CSMD2: variants seen among roughly 807,000 people sequenced by gnomAD.
CSMD2 encodes the protein CUB and sushi domain-containing protein 2.
A neutral mutation model predicts 398.5 loss-of-function variants in CSMD2; 130 were observed. That is an observed-to-expected ratio of 0.33 (90% CI 0.28 to 0.38). The LOEUF (loss-of-function observed/expected upper bound fraction) is 0.38. CSMD2 is among the 10% of genes least tolerant of loss of function. The pLI is 1.00. For missense variants in CSMD2, 3,829 were observed against 4,764.9 expected, an observed-to-expected ratio of 0.80 and a Z score of 5.78; for synonymous variants, 1,828 against 1,908.5, an observed-to-expected ratio of 0.96 and a Z score of 1.10.
intron 1 of CSMD2, among the ~76,000 whole-genome samples, chr1:34,131,055 C>T (rs1003918700): frequency 3.1e-4 from 47 of 152,128 alleles, no homozygotes; most frequent in African/African-American, 1.0e-3. Context: ...CCTAGCATTC[C>T]GTACCCTTCC....
In CSMD2 at chr1:33,533,359, C is replaced by A; in HGVS notation, c.9992-130G>T. The A allele has an allele frequency of 1.2e-6, 1 of 837,004 alleles. No homozygotes were observed. The highest frequency in any genetic ancestry group is 1.9e-6 in the Non-Finnish European group (1 of 534,600). 51.8% of individuals were successfully genotyped at this position (837,004 alleles called of 1,614,324 possible). Reference sequence around the variant, plus strand: ...TCCAGTCCCTTTCATGCCAAGCATCCCCCTCCCTAATCCTCCACCCTAACC... The same window carrying A: ...TCCAGTCCCTTTCATGCCAAGCATCACCCTCCCTAATCCTCCACCCTAACC... On this transcript the variant is annotated intron_variant, in intron 63 of 70. Coordinates refer to ENST00000373381, the MANE Select transcript of CSMD2 (RefSeq NM_001281956.2). This position sits in a 1 kb window ranked among gnomAD's most constrained non-coding sequence, Gnocchi z 4.2.
chr1:33,985,882 C>T (rs1646342643), intron 3 of CSMD2, among the ~76,000 whole-genome samples: 1 of 152,166 alleles, frequency 6.6e-6, no homozygotes, highest in South Asian at 2.1e-4. Flanking sequence ...CCTCAGTCCA[C>T]TCGCAGGCTG....
chr1:33,773,130 C>T (rs1319804048), intron 12 of CSMD2, among the ~76,000 whole-genome samples: 2 of 152,218 alleles, frequency 1.3e-5, no homozygotes, highest in Non-Finnish European at 2.9e-5. Context: ...ACAAGTTCCA[C>T]AGCATTAGAA....
intron 39 of CSMD2, among the ~76,000 whole-genome samples, chr1:33,616,673 T>G (rs1470009944): frequency 1.3e-5 from 2 of 152,220 alleles, no homozygotes; most frequent in African/African-American, 4.8e-5. Flanking sequence ...TGTTTTCAAA[T>G]GGGCAGACCT....
intron 22 of CSMD2, among the ~76,000 whole-genome samples, chr1:33,707,695 G>GCACACACACACACACACA (rs200504764): frequency 2.2e-5 from 2 of 92,032 alleles, no homozygotes; most frequent in Non-Finnish European, 4.2e-5. Context: ...GCGCGCGCGC[G>GCACACACACACACACACA]CACACACACA....
chr1:33,954,396 T>G (rs1459549041), intron 3 of CSMD2, among the ~76,000 whole-genome samples: 2 of 151,746 alleles, frequency 1.3e-5, no homozygotes, highest in Admixed American at 6.6e-5. Context: ...GTGGCAGTTC[T>G]GTTGGTGGTG....
intron 18 of CSMD2, 53 bp from the exon 19 acceptor site, chr1:33,724,366 C>T (rs373790902): frequency 6.6e-7 from 1 of 1,510,376 alleles, no homozygotes; most frequent in Non-Finnish European, 9.2e-7. Context: ...CAGGGAGCAC[C>T]CCCGTCATCC....
intron 21 of CSMD2, among the ~76,000 whole-genome samples, chr1:33,710,617 T>C (rs936141789): frequency 2.0e-5 from 3 of 152,156 alleles, no homozygotes; most frequent in Admixed American, 2.0e-4. Context: ...TCCCTCAGTA[T>C]CCTTCAGTCC....
chr1:33,558,047 C>G (rs1373343559), intron 54 of CSMD2, 125 bp from the exon 55 acceptor site: 3 of 778,562 alleles, frequency 3.9e-6, no homozygotes, highest in Admixed American at 4.9e-5. Flanking sequence ...CTGGACTTCT[C>G]CCCTCACCTT....
intron 3 of CSMD2, among the ~76,000 whole-genome samples, chr1:33,941,198 A>G (rs1274588186): frequency 6.6e-6 from 1 of 152,204 alleles, no homozygotes; most frequent in African/African-American, 2.4e-5. Context: ...TCTCTTCTAC[A>G]AAGCCCGACT....
chr1:33,963,989 CCAAGGTGT>C (rs369720742), intron 3 of CSMD2, among the ~76,000 whole-genome samples: 1 of 152,192 alleles, frequency 6.6e-6, no homozygotes, highest in African/African-American at 2.4e-5. Context: ...TGCCAAGCTG[CCAAGGTGT>C]TTGTCCAAAG....
At chr1:33,967,462 T>C (rs1645601048) in intron 3 of CSMD2, among the ~76,000 whole-genome samples, 1 of 147,088 alleles carries the variant, frequency 6.8e-6, no homozygotes, top group South Asian at 2.2e-4. Flanking sequence ...CAGGCACAAG[T>C]GTGCACACCC....
chr1:33,708,617 T>TATTATTATTATTATTATTA (rs1553180016), intron 22 of CSMD2, among the ~76,000 whole-genome samples: 6 of 150,246 alleles, frequency 4.0e-5, no homozygotes, highest in Admixed American at 6.6e-5. Context: ...TTATTATTAT[T>TATTATTATTATTATTATTA]TTGAGACAGG....
chr1:33,612,772 C>T (rs1325181183), intron 40 of CSMD2, among the ~76,000 whole-genome samples: 1 of 151,946 alleles, frequency 6.6e-6, no homozygotes, highest in East Asian at 1.9e-4. Context: ...AGCTCCGCCT[C>T]CCGGGTTCAC....
chr1:33,944,223 C>T (rs929981354), intron 3 of CSMD2, among the ~76,000 whole-genome samples: 3 of 150,412 alleles, frequency 2.0e-5, no homozygotes, highest in Non-Finnish European at 4.4e-5. Flanking sequence ...ATTCATATCT[C>T]AGGAACGCCC....
At chr1:34,047,066 C>G (rs1652609457) in intron 2 of CSMD2, among the ~76,000 whole-genome samples, 1 of 152,054 alleles carries the variant, frequency 6.6e-6, no homozygotes, top group Admixed American at 6.6e-5. Flanking sequence ...TGCTTGAAAC[C>G]CTTCCAAAAG....
chr1:33,969,468 GAT>G (rs1436080062), intron 3 of CSMD2, among the ~76,000 whole-genome samples: 2 of 152,144 alleles, frequency 1.3e-5, no homozygotes, highest in Non-Finnish European at 2.9e-5. Context: ...CAGATAGATA[GAT>G]ATAGAGATTT....
intron 2 of CSMD2, among the ~76,000 whole-genome samples, chr1:34,081,973 G>A (rs909959976): frequency 2.0e-5 from 3 of 151,326 alleles, no homozygotes; most frequent in African/African-American, 7.3e-5. Context: ...CTAACTGGCC[G>A]CCCATCGTCT....
intron 1 of CSMD2, among the ~76,000 whole-genome samples, chr1:34,143,467 G>A (rs705211): frequency 0.86 from 131,464 of 152,082 alleles, 58,311 homozygotes; most frequent in East Asian, 0.96. Flanking sequence ...TCCTTGCCCC[G>A]TGTTAAACTT....
Sources: gnomAD v4.1 joint callset for allele counts (sites outside exome capture counted in the v4.1 genomes callset) on GRCh38, gnomAD v4.1.1 for gene constraint, Gnocchi (gnomAD v3.1) non-coding constraint, MANE v1.5 for transcripts, NCBI Gene and HGNC (gene_info 2026-07-23, HGNC 2026-07-21) for gene names.